CTTNBP2: variants seen among roughly 807,000 people sequenced by gnomAD.
CTTNBP2 encodes the protein cortactin-binding protein 2.
CTTNBP2 carries 108 observed loss-of-function variants against 156.9 expected under a neutral mutation model. That is an observed-to-expected ratio of 0.69 (90% CI 0.59 to 0.81). The LOEUF (loss-of-function observed/expected upper bound fraction) is 0.81, where lower values mean the gene tolerates loss of function less well. Among genes scored for constraint, CTTNBP2 ranks in the 30% least tolerant of loss-of-function variants. The pLI, the probability that CTTNBP2 is intolerant of heterozygous loss-of-function variation, is 0.00. For missense variants in CTTNBP2, 1,924 were observed against 2,035.4 expected (o/e 0.95, Z 1.05); for synonymous variants, 767 against 751.8 (o/e 1.02, Z -0.33).
At position 117,784,377 on chromosome 7, in the gene CTTNBP2, G is replaced by T; in HGVS notation, c.2146C>A (p.Gln716Lys). 6.2e-7 allele frequency: 1 copy of T among 1,613,758 alleles called. No homozygotes were observed. Among genetic ancestry groups the T allele is most frequent in the Non-Finnish European group, 8.5e-7 (1 of 1,179,916 alleles). The change falls in exon 5 of 23, where the codon CAA becomes AAA. Residue 716 changes from glutamine (Q) to lysine (K), a missense_variant. Physicochemically the swap from Gln to Lys is moderately conservative, Grantham distance 53. Coordinates refer to ENST00000160373, the MANE Select transcript of CTTNBP2 (RefSeq NM_033427.3). The part of the protein sequence containing the change: ...PLAGRPTLLQ[Q>K]AAAQGNVTLL... The stretch of plus-strand genomic sequence containing the variant: ...GTGACATTTCCCTGGGCAGCAGCTT[G>T]CTGAAGAAGGGTGGGCCTGCCAGCC...
At chr7:117,861,011 T>G (rs1803695747) in intron 2 of CTTNBP2, among the ~76,000 whole-genome samples, 198 bp downstream of exon 2, 1 of 152,196 alleles carries the variant, frequency 6.6e-6, no homozygotes, top group Non-Finnish European at 1.5e-5. Flanking sequence ...CCCCAGCATT[T>G]CAATGACCAT....
At chr7:117,784,914 C>CT (rs1401102362) in intron 4 of CTTNBP2, among the ~76,000 whole-genome samples, 2 of 152,036 alleles carry the variant, frequency 1.3e-5, no homozygotes, top group East Asian at 3.9e-4. Flanking sequence ...ACAGATTTTT[C>CT]TTTTTCAACA....
At chr7:117,853,526 A>C (rs960376195) in intron 2 of CTTNBP2, among the ~76,000 whole-genome samples, 1 of 152,170 alleles carries the variant, frequency 6.6e-6, no homozygotes, top group Non-Finnish European at 1.5e-5. Flanking sequence ...TAGCTTAGCC[A>C]CCCATGAGCT....
rs756403326 is a variant in CTTNBP2 at position 117,784,453 on chromosome 7, G to C, written c.2070C>G (p.Gly690=). Residue 690 remains glycine, a splice_region_variant and synonymous_variant, in exon 5 of 23, where the codon GGC becomes GGG. Coordinates refer to ENST00000160373, the MANE Select transcript of CTTNBP2 (RefSeq NM_033427.3). The part of the protein sequence containing the change: ...ASDSLLVTAS[G]WSPSLTPLLM... ...GCAAAGGGGTTAGGGAGGGTGACCA[G>C]CCTGTAGGTTAAAGTGACCCTCGTT... 6.3e-7 allele frequency: 1 copy of C among 1,581,126 alleles called. No homozygotes were observed. The highest frequency in any genetic ancestry group is 8.6e-7 in the Non-Finnish European group (1 of 1,168,288).
intron 8 of CTTNBP2, among the ~76,000 whole-genome samples, chr7:117,768,581 A>AAAAG (rs527295714): frequency 0.082 from 8,099 of 98,642 alleles, 794 homozygotes; most frequent in African/African-American, 0.25. Flanking sequence ...AAAAAAAAAA[A>AAAAG]AAAGAAAGAA....
At chr7:117,861,401 T>C in intron 1 of CTTNBP2, 85 bp from the exon 2 acceptor site, 3 of 933,788 alleles carry the variant, frequency 3.2e-6, no homozygotes, top group Non-Finnish European at 5.0e-6. Context: ...TGAATCAGTT[T>C]TATCCCAGTG....
At chr7:117,849,267 T>A (rs977405252) in intron 2 of CTTNBP2, among the ~76,000 whole-genome samples, 3 of 152,214 alleles carry the variant, frequency 2.0e-5, no homozygotes, top group Admixed American at 6.5e-5. Context: ...GTCCTTTGGA[T>A]CAGCGGTTCT....
intron 1 of CTTNBP2, among the ~76,000 whole-genome samples, 189 bp downstream of exon 1, chr7:117,873,146 G>A (rs35945774): frequency 0.1 from 15,477 of 152,156 alleles, 939 homozygotes; most frequent in Middle Eastern, 0.16. Flanking sequence ...CAGGGTGGCC[G>A]CTCCGCTCCC....
chr7:117,734,919 C>A lies in CTTNBP2; in HGVS notation c.3870G>T (p.Val1290=). 6.3e-7 allele frequency: 1 copy of A among 1,589,132 alleles called. No individual in the cohort carries two copies. The highest frequency in any genetic ancestry group is 1.1e-5 in the South Asian group (1 of 88,870). Reference sequence around the variant, plus strand: ...TGCACTTGCTGTTTGTTACCTTATTCACAACTTTCCTTCGTAAGAACCTCT... The same window carrying A: ...TGCACTTGCTGTTTGTTACCTTATTAACAACTTTCCTTCGTAAGAACCTCT... The part of the protein sequence containing the change: ...LLQRFLRRKV[V]NKFKGQAPSP... The change falls in exon 16 of 23, where the codon GTG becomes GTT. Residue 1290 remains valine (V), a synonymous_variant. Transcript: ENST00000160373.
chr7:117,779,681 T>C (rs1243760973), intron 7 of CTTNBP2, among the ~76,000 whole-genome samples: 2 of 151,780 alleles, frequency 1.3e-5, no homozygotes, highest in African/African-American at 4.8e-5. Context: ...AAAAAAGCTG[T>C]AGCAATGAGT....
intron 12 of CTTNBP2, among the ~76,000 whole-genome samples, chr7:117,747,835 C>T (rs921356002): frequency 6.6e-6 from 1 of 152,130 alleles, no homozygotes; most frequent in Non-Finnish European, 1.5e-5. Context: ...GGTTGGTGAG[C>T]ACTTCTGGGA....
At chr7:117,872,976 C>T (rs2117316226) in intron 1 of CTTNBP2, among the ~76,000 whole-genome samples, 1 of 152,230 alleles carries the variant, frequency 6.6e-6, no homozygotes, top group East Asian at 1.9e-4. Flanking sequence ...GGGTCAAATT[C>T]GCCAGGAAAC....
At chr7:117,807,701 A>T (rs936090763) in intron 3 of CTTNBP2, among the ~76,000 whole-genome samples, 16 of 152,198 alleles carry the variant, frequency 1.1e-4, no homozygotes, top group Non-Finnish European at 1.3e-4. Flanking sequence ...ACCACTCAGG[A>T]TCTGGAGCAG....
chr7:117,855,934 T>C (rs182601148), intron 2 of CTTNBP2, among the ~76,000 whole-genome samples: 1 of 152,386 alleles, frequency 6.6e-6, no homozygotes, highest in Admixed American at 6.5e-5. Flanking sequence ...GTTATTTTTA[T>C]GCCTGCTACA....
intron 2 of CTTNBP2, among the ~76,000 whole-genome samples, chr7:117,849,484 A>G (rs898710717): frequency 1.3e-5 from 2 of 152,122 alleles, no homozygotes; most frequent in Non-Finnish European, 2.9e-5. Flanking sequence ...TTCCTGCTTG[A>G]TAATCTTCAG....
chr7:117,780,588 A>G lies in CTTNBP2; in HGVS notation c.2376T>C (p.Cys792=). Residue 792 remains cysteine, a synonymous_variant, in exon 7 of 23, where the codon TGT becomes TGC. Transcript: ENST00000160373. ...CAAAAQGHFE[C]VELLISYDAN... The stretch of plus-strand genomic sequence containing the variant: ...CATCATATGAAATTAATAATTCTAC[A>G]CACCTAAACACAAGATTAGGATTAA... 1 of 1,564,772 alleles carries G rather than the reference A, an allele frequency of 6.4e-7. No individual in the cohort carries two copies. Among genetic ancestry groups the G allele is most frequent in the South Asian group, 1.2e-5 (1 of 82,508 alleles).
chr7:117,825,976 C>T (rs1801250579), intron 2 of CTTNBP2, among the ~76,000 whole-genome samples: 1 of 152,162 alleles, frequency 6.6e-6, no homozygotes, highest in Non-Finnish European at 1.5e-5. Context: ...TTATTTAGAA[C>T]TCCCAGCTGC....
chr7:117,767,184 G>C lies in CTTNBP2; in HGVS notation c.2779-8C>G. On this transcript the variant is annotated splice_polypyrimidine_tract_variant and splice_region_variant and intron_variant, in intron 8 of 22. Transcript: ENST00000160373. The stretch of plus-strand genomic sequence containing the variant: ...CAAGATTTCTAGGCAGTTCTATAAA[G>C]ACAAGAGCTCTATTACCTCCAAGTC... The C allele has an allele frequency of 6.7e-7, 1 of 1,484,614 alleles. No homozygotes were observed. The highest frequency in any genetic ancestry group is 9.4e-7 in the Non-Finnish European group (1 of 1,061,882). 92.0% of individuals were successfully genotyped at this position (1,484,614 alleles called of 1,614,324 possible).
Position 117,794,927 on chromosome 7 carries a change from G to T in CTTNBP2, c.415-2146C>A, listed in dbSNP as rs564959763. On this transcript the variant is annotated intron_variant, in intron 3 of 22. Coordinates refer to ENST00000160373, the MANE Select transcript of CTTNBP2 (RefSeq NM_033427.3). ...TTTTGAGACGGAGTCTCGCTCTGTC[G>T]CCCAGGCGGGACTGCGGACTGCAGT... is the stretch of plus-strand genomic sequence containing the variant. 5.9e-5 allele frequency among the ~76,000 whole-genome samples: 7 copies of T among 118,486 alleles called. 1 individual carries two copies. The Admixed American group carries it at 8.4e-4, about 14-fold the overall frequency. The allele number at this position is 118,486 out of a possible 152,430, so 77.7% of individuals were successfully genotyped here. A position where few individuals can be genotyped will look rare whatever the true frequency, so the allele number is the denominator to read the frequency against.
Sources: allele counts gnomAD v4.1 joint callset (sites outside exome capture counted in the v4.1 genomes callset), GRCh38; gene constraint gnomAD v4.1.1; transcripts MANE v1.5; gene names NCBI Gene and HGNC (gene_info 2026-07-23, HGNC 2026-07-21).